Variants in KIF1B observed in about 807,000 individuals in gnomAD.
KIF1B encodes the protein kinesin-like protein KIF1B.
A neutral mutation model predicts 241.9 loss-of-function variants in KIF1B; 76 were observed. That is an observed-to-expected ratio of 0.31 (90% CI 0.26 to 0.38). KIF1B has a LOEUF of 0.38. KIF1B is among the 10% of genes least tolerant of loss of function. The pLI is 1.00. For missense variants in KIF1B, 1,622 were observed against 2,271.4 expected (o/e 0.71, Z 5.81); for synonymous variants, 750 against 796.7 (o/e 0.94, Z 0.99).
chr1:10,215,166 ATATATATTTTTTTTTTTTT>A (rs1176762955), intron 1 of KIF1B, among the ~76,000 whole-genome samples: 1 of 57,630 alleles, frequency 1.7e-5, no homozygotes, highest in Non-Finnish European at 3.0e-5. Flanking sequence ...ATATATATAT[ATATATATTTTTTTTTTTTT>A]TTTTTTTTGA....
intron 22 of KIF1B, among the ~76,000 whole-genome samples, chr1:10,308,828 C>T (rs1319807522): frequency 6.6e-6 from 1 of 152,148 alleles, no homozygotes; most frequent in Non-Finnish European, 1.5e-5. Flanking sequence ...CTATTTTATG[C>T]CACATTTCAC....
chr1:10,237,623 G>A (rs1647073847), intron 2 of KIF1B, among the ~76,000 whole-genome samples: 1 of 151,966 alleles, frequency 6.6e-6, no homozygotes, highest in Non-Finnish European at 1.5e-5. Context: ...CATATTATAT[G>A]TCTTATAGGC....
At chr1:10,340,797 A>G (rs1652365280) in intron 32 of KIF1B, among the ~76,000 whole-genome samples, 1 of 152,190 alleles carries the variant, frequency 6.6e-6, no homozygotes. Flanking sequence ...AAAAAGTAAT[A>G]ATAAAAATAA....
chr1:10,225,180 G>C (rs1393719696), intron 1 of KIF1B, among the ~76,000 whole-genome samples: 3 of 152,154 alleles, frequency 2.0e-5, no homozygotes, highest in African/African-American at 2.4e-5. Flanking sequence ...GACCCCTCTT[G>C]TAGAGGATTA....
intron 37 of KIF1B, among the ~76,000 whole-genome samples, chr1:10,349,732 G>A (rs1444373569): frequency 1.3e-5 from 2 of 152,088 alleles, no homozygotes; most frequent in African/African-American, 4.8e-5. Flanking sequence ...GTAAATTAAG[G>A]AGTATTGGCT....
chr1:10,361,108 AG>A (rs956543596), intron 39 of KIF1B, 65 bp downstream of exon 39: 14 of 1,048,204 alleles, frequency 1.3e-5, no homozygotes, highest in African/African-American at 3.1e-5. Flanking sequence ...AGGTTACAGC[AG>A]GAAGTGGTCA....
At chr1:10,318,436 G>T (rs1266378442) in intron 22 of KIF1B, among the ~76,000 whole-genome samples, 2 of 151,502 alleles carry the variant, frequency 1.3e-5, no homozygotes, top group Non-Finnish European at 2.9e-5. Flanking sequence ...ACCAAAAGAA[G>T]CAGGGCTGGG....
chr1:10,308,127 C>T, intron 22 of KIF1B: 1 of 1,061,294 alleles, frequency 9.4e-7, no homozygotes, highest in Non-Finnish European at 1.1e-6. Flanking sequence ...TGCTGTGCCC[C>T]AGTGCCTTAC....
rs3748578 is a variant in KIF1B at position 10,360,860 on chromosome 1, G to A, written c.4056-69G>A. The A allele has an allele frequency of 0.3, 294,953 of 992,654 alleles. 44,308 individuals are homozygous for A. The highest frequency in any genetic ancestry group is 0.35 in the Admixed American group (20,341 of 58,792). The allele number at this position is 992,654 out of a possible 1,614,324, so 61.5% of individuals were successfully genotyped here. ...GTATGGTTCTTTAGGATGATTGACA[G>A]TGGCAGTACCTGGACTAACGTGACT... On this transcript the variant is annotated intron_variant, in intron 38 of 48. Transcript: ENST00000676179.
Position 10,334,452 on chromosome 1 carries a change from G to A in KIF1B, c.2925-68G>A, listed in dbSNP as rs1652084703. ...TCACAGTTGCAGGAAGATGTTCTCA[G>A]TGAATCTGAAAGCCAGTTTATCTCT... On this transcript the variant is annotated intron_variant, in intron 27 of 48. Transcript: ENST00000676179. 5 of 1,177,034 alleles carry A rather than the reference G, an allele frequency of 4.2e-6. No homozygotes were observed. In the South Asian group the frequency reaches 4.9e-5, roughly 12 times the overall value. 72.9% of individuals were successfully genotyped at this position (1,177,034 alleles called of 1,614,324 possible). A position where few individuals can be genotyped will look rare whatever the true frequency, so the allele number is the denominator to read the frequency against.
rs376558549 is a variant in KIF1B, at chr1:10,304,327, C to T, written c.2115+7081C>T. The T allele has an allele frequency of 2.8e-4, 459 of 1,614,084 alleles. 1 individual carries two copies. The highest frequency in any genetic ancestry group is 3.8e-4 in the Admixed American group (23 of 60,004). ...TAATCAGCAACAGCCACCTCAACTACGTTGGAGAAGCAATTCTCTCAATAA... is the reference window on the plus strand; with the variant it reads ...TAATCAGCAACAGCCACCTCAACTATGTTGGAGAAGCAATTCTCTCAATAA... On this transcript the variant is annotated intron_variant, in intron 22 of 48. Coordinates refer to ENST00000676179, the MANE Select transcript of KIF1B (RefSeq NM_001365951.3).
At position 10,212,931 on chromosome 1, in the gene KIF1B, TAC is replaced by T. The variant is rs1345755989; in HGVS notation, c.-80+2063_-80+2064del. ...ATATATATATATATATATATATATA[TAC>T]ACACACACATTTAAAAAATTTGGAT... On this transcript the variant is annotated intron_variant, in intron 1 of 48. Coordinates refer to ENST00000676179, the MANE Select transcript of KIF1B (RefSeq NM_001365951.3). Among the ~76,000 whole-genome samples the T allele has an allele frequency of 5.8e-3, 500 of 86,430 alleles. 1 individual carries two copies. The highest frequency in any genetic ancestry group is 0.014 in the Middle Eastern group (2 of 140). The allele number at this position is 86,430 out of a possible 152,430, so 56.7% of individuals were successfully genotyped here.
At chr1:10,375,427 C>A in intron 48 of KIF1B, 54 bp downstream of exon 48, 1 of 1,462,558 alleles carries the variant, frequency 6.8e-7, no homozygotes, top group Non-Finnish European at 9.6e-7. Context: ...CTCACTTTTT[C>A]TCCCTGAAGT....
At chr1:10,245,041 A>T (rs1229707369) in intron 2 of KIF1B, among the ~76,000 whole-genome samples, 1 of 152,248 alleles carries the variant, frequency 6.6e-6, no homozygotes, top group Non-Finnish European at 1.5e-5. Context: ...CAGTGTTGCC[A>T]CACAGATAAC....
chr1:10,311,841 AATG>A (rs1480030433), intron 22 of KIF1B, among the ~76,000 whole-genome samples: 1 of 151,522 alleles, frequency 6.6e-6, no homozygotes, highest in Non-Finnish European at 1.5e-5. Flanking sequence ...TGATGAAGAT[AATG>A]ATAACTCATA....
chr1:10,348,876 A>C (rs1369085666), intron 37 of KIF1B, 143 bp downstream of exon 37: 1 of 706,630 alleles, frequency 1.4e-6, no homozygotes, highest in African/African-American at 1.8e-5. Context: ...CCTGGGCTCA[A>C]GCAATCCTCC....
intron 14 of KIF1B, 93 bp from the exon 15 acceptor site, chr1:10,282,229 T>C: frequency 9.8e-7 from 1 of 1,022,426 alleles, no homozygotes; most frequent in South Asian, 1.4e-5. Flanking sequence ...TGCTGTCCTT[T>C]CTTACAACGA....
At chr1:10,336,395 C>T (rs1484683568) in intron 28 of KIF1B, among the ~76,000 whole-genome samples, 1 of 152,230 alleles carries the variant, frequency 6.6e-6, no homozygotes, top group Admixed American at 6.5e-5. Flanking sequence ...GATCTGCCCA[C>T]CTCAGCCCCT....
At chr1:10,331,884 A>G (rs529554263) in intron 27 of KIF1B, among the ~76,000 whole-genome samples, 1 of 152,222 alleles carries the variant, frequency 6.6e-6, no homozygotes, top group Non-Finnish European at 1.5e-5. Context: ...AAAAAGTAGT[A>G]GCTACACAAT....
Sources: allele counts gnomAD v4.1 joint callset (sites outside exome capture counted in the v4.1 genomes callset), GRCh38; gene constraint gnomAD v4.1.1; transcripts MANE v1.5; gene names NCBI Gene and HGNC (gene_info 2026-07-23, HGNC 2026-07-21).